ERC2: variants seen among roughly 807,000 people sequenced by gnomAD.
ERC2 encodes the protein ELKS/RAB6-interacting/CAST family member 2.
Under a neutral mutation model 114.8 loss-of-function variants are expected in ERC2, and 42 were observed. That is an observed-to-expected ratio of 0.37 (90% confidence interval 0.29 to 0.47). The LOEUF (loss-of-function observed/expected upper bound fraction) is 0.47, where lower values mean the gene tolerates loss of function less well. ERC2 is among the 20% of genes least tolerant of loss of function. ERC2 has a pLI of 0.99. For missense variants in ERC2, 939 were observed against 1,150.7 expected (o/e 0.82, Z 2.66); for synonymous variants, 454 against 425.5 (o/e 1.07, Z -0.82).
chr3:55,962,108 A>T (rs1389209980), intron 12 of ERC2, among the ~76,000 whole-genome samples: 2 of 152,212 alleles, frequency 1.3e-5, no homozygotes, highest in East Asian at 3.9e-4. Context: ...TTCAAAATTA[A>T]ACTGGAAATC....
At chr3:55,790,176 C>T (rs2069879119) in intron 14 of ERC2, among the ~76,000 whole-genome samples, 1 of 152,166 alleles carries the variant, frequency 6.6e-6, no homozygotes, top group Non-Finnish European at 1.5e-5. Context: ...GAGCTGACCT[C>T]TGATTGCTTT....
At chr3:55,875,889 G>GA (rs2062813695) in intron 14 of ERC2, among the ~76,000 whole-genome samples, 1 of 151,854 alleles carries the variant, frequency 6.6e-6, no homozygotes, top group African/African-American at 2.4e-5. Flanking sequence ...AGGAAAGGGG[G>GA]AAAAAAGACA....
chr3:55,830,161 G>T lies in ERC2; in HGVS notation c.2564+58228C>A, dbSNP rs371573116. On this transcript the variant is annotated intron_variant, in intron 14 of 17. Transcript: ENST00000288221. ...CTGTGTACCTCTCTCAGAAATCACT[G>T]AAGACAGAAAACAATGGAACAATTT... Among the ~76,000 whole-genome samples, 132 of 152,288 alleles carry T rather than the reference G, an allele frequency of 8.7e-4. 1 individual carries two copies. The highest frequency in any genetic ancestry group is 3.0e-3 in the African/African-American group (125 of 41,564).
intron 7 of ERC2, among the ~76,000 whole-genome samples, chr3:56,053,251 C>G (rs916100625): frequency 6.6e-6 from 1 of 152,016 alleles, no homozygotes; most frequent in African/African-American, 2.4e-5. Context: ...CTGTGTGCCA[C>G]GAGTGGGTAA....
intron 14 of ERC2, among the ~76,000 whole-genome samples, chr3:55,884,520 A>T (rs1185824994): frequency 6.6e-6 from 1 of 152,080 alleles, no homozygotes; most frequent in Non-Finnish European, 1.5e-5. Flanking sequence ...CTATCTTTGG[A>T]TGGGGTTCAG....
chr3:55,724,743 C>A (rs2064805211), intron 15 of ERC2, among the ~76,000 whole-genome samples: 1 of 152,206 alleles, frequency 6.6e-6, no homozygotes, highest in Non-Finnish European at 1.5e-5. Context: ...CTAAGCCTCA[C>A]TGAAGCAATG....
chr3:55,607,750 A>T lies in ERC2; in HGVS notation c.*39+76044T>A, dbSNP rs188866814. The stretch of plus-strand genomic sequence containing the variant: ...GGTAAGGGAGATGCCATCCTCATGG[A>T]GACTGTTGAAACAGACAAGAAGGTG... On this transcript the variant is annotated intron_variant, in intron 17 of 17. Coordinates refer to ENST00000288221, the MANE Select transcript of ERC2 (RefSeq NM_015576.3). 10 of 151,976 alleles carry T rather than the reference A, an allele frequency of 6.6e-5. No homozygotes were observed. The East Asian group carries it at 1.9e-3, about 30-fold the overall frequency. The allele number at this position is 151,976 out of a possible 1,614,324, so 9.4% of individuals were successfully genotyped here. A position where few individuals can be genotyped will look rare whatever the true frequency, so the allele number is the denominator to read the frequency against.
At chr3:55,809,586 C>T (rs1388326688) in intron 14 of ERC2, among the ~76,000 whole-genome samples, 5 of 151,976 alleles carry the variant, frequency 3.3e-5, no homozygotes, top group South Asian at 2.1e-4. Flanking sequence ...TGATTACCTC[C>T]GTAAAACAAT....
At chr3:55,962,456 T>C (rs1332567489) in intron 12 of ERC2, among the ~76,000 whole-genome samples, 1 of 152,240 alleles carries the variant, frequency 6.6e-6, no homozygotes, top group African/African-American at 2.4e-5. Context: ...ATATATACAC[T>C]GTGTTCCAAT....
chr3:55,558,376 T>C (rs2055770410), intron 17 of ERC2, among the ~76,000 whole-genome samples: 1 of 152,248 alleles, frequency 6.6e-6, no homozygotes, highest in Non-Finnish European at 1.5e-5. Context: ...TTCTTATATT[T>C]GCAGAAACCC....
intron 10 of ERC2, among the ~76,000 whole-genome samples, chr3:56,001,416 C>G (rs1240792190): frequency 6.6e-6 from 1 of 151,834 alleles, no homozygotes; most frequent in East Asian, 1.9e-4. Context: ...CCCTATCAGT[C>G]CAAAAAACAA....
At chr3:56,343,529 G>T (rs1250646768) in intron 2 of ERC2, among the ~76,000 whole-genome samples, 1 of 152,050 alleles carries the variant, frequency 6.6e-6, no homozygotes, top group East Asian at 1.9e-4. Context: ...GAAGCAGGAG[G>T]ATCTCTTGAG....
intron 2 of ERC2, among the ~76,000 whole-genome samples, chr3:56,296,978 G>T (rs965590380): frequency 6.6e-6 from 1 of 152,090 alleles, no homozygotes; most frequent in Non-Finnish European, 1.5e-5. Context: ...TACTGCATCT[G>T]CAAGCAAAAG....
In ERC2 at chr3:56,018,939, A is replaced by G; in HGVS notation, c.1734T>C (p.Asn578=). 2.5e-6 allele frequency: 4 copies of G among 1,613,316 alleles called. No homozygotes were observed. The highest frequency in any genetic ancestry group is 1.1e-5 in the South Asian group (1 of 91,050). Residue 578 remains asparagine, a synonymous_variant, in exon 8 of 18, where the codon AAT becomes AAC. Coordinates refer to ENST00000288221, the MANE Select transcript of ERC2 (RefSeq NM_015576.3). ...RVKSLQTDSS[N]TDTALATLEE... Reference sequence around the variant, plus strand: ...CTAGCGTCGCCAGTGCAGTATCTGTATTACTGGAATCCGTCTGCAAGGACT... The same window carrying G: ...CTAGCGTCGCCAGTGCAGTATCTGTGTTACTGGAATCCGTCTGCAAGGACT...
chr3:55,777,464 C>T (rs905185833), intron 14 of ERC2, among the ~76,000 whole-genome samples: 2 of 152,238 alleles, frequency 1.3e-5, no homozygotes, highest in East Asian at 1.9e-4. Context: ...GGCATACAGG[C>T]ACCCCTGTGG....
intron 6 of ERC2, among the ~76,000 whole-genome samples, chr3:56,127,107 A>G (rs934180998): frequency 2.0e-5 from 3 of 152,192 alleles, no homozygotes; most frequent in Non-Finnish European, 2.9e-5. Context: ...AATACCCAGG[A>G]ATAACAAATG....
At chr3:56,149,865 T>A (rs1439707695) in intron 4 of ERC2, among the ~76,000 whole-genome samples, 3 of 152,130 alleles carry the variant, frequency 2.0e-5, no homozygotes, top group Non-Finnish European at 4.4e-5. Flanking sequence ...TGGAATTAAT[T>A]GGGAAAAAAT....
Position 56,018,558 on chromosome 3 carries a change from C to A in ERC2, c.1779+336G>T, listed in dbSNP as rs191484272. ...AAGAATGAGGGAGGGAGCAGGCACA[C>A]AGAGTGGGGGCTTGCCAGATCAGAT... On this transcript the variant is annotated intron_variant, in intron 8 of 17. Coordinates refer to ENST00000288221, the MANE Select transcript of ERC2 (RefSeq NM_015576.3). Among the ~76,000 whole-genome samples, 4 of 152,226 alleles carry A rather than the reference C, an allele frequency of 2.6e-5. No homozygotes were observed. The East Asian group carries it at 7.7e-4, about 29-fold the overall frequency.
At chr3:56,099,641 C>T (rs949727344) in intron 6 of ERC2, among the ~76,000 whole-genome samples, 1 of 152,148 alleles carries the variant, frequency 6.6e-6, no homozygotes, top group Non-Finnish European at 1.5e-5. Flanking sequence ...CACCGAGGGG[C>T]CATGTGCGAG....
Sources: gnomAD v4.1 joint callset for allele counts (sites outside exome capture counted in the v4.1 genomes callset) on GRCh38, gnomAD v4.1.1 for gene constraint, MANE v1.5 for transcripts, NCBI Gene and HGNC (gene_info 2026-07-23, HGNC 2026-07-21) for gene names.